The following EPHB2 variants were observed in gnomAD, a reference collection of about 807,000 sequenced individuals.
The protein encoded by EPHB2 is EPH receptor B2.
A neutral mutation model predicts 96.4 loss-of-function variants in EPHB2; 18 were observed. The ratio of observed to expected loss-of-function variants is 0.19; its 90% CI spans 0.13 to 0.28. The LOEUF (loss-of-function observed/expected upper bound fraction) is 0.28. Among genes scored for constraint, EPHB2 ranks in the 10% least tolerant of loss-of-function variants. EPHB2 has a pLI of 1.00. For synonymous variants in EPHB2, 506 were observed against 534.1 expected (o/e 0.95, Z 0.72); for missense variants, 989 against 1,355.4 (o/e 0.73, Z 4.25).
At position 22,907,030 on chromosome 1, in the gene EPHB2, G is replaced by A. The variant is rs541070749; in HGVS notation, c.2136+73G>A. The A allele has an allele frequency of 1.3e-5, 20 of 1,509,016 alleles. No homozygotes were observed. In the South Asian group the frequency reaches 2.4e-4, roughly 18 times the overall value. The allele number at this position is 1,509,016 out of a possible 1,614,324, so 93.5% of individuals were successfully genotyped here. On this transcript the variant is annotated intron_variant, in intron 11 of 15. Coordinates refer to ENST00000374630, the MANE Select transcript of EPHB2 (RefSeq NM_017449.5). ...GGAACGATGGACATAGCTTCATACT[G>A]TCAGAGCCTGAAGGGGTCTTGGAAA...
rs984902727 is a variant in EPHB2, at chr1:22,858,999, G to A, written c.812-4038G>A. Among the ~76,000 whole-genome samples the A allele has an allele frequency of 7.9e-5, 12 of 152,270 alleles. No homozygotes were observed. Among genetic ancestry groups the A allele is most frequent in the South Asian group, 2.1e-4 (1 of 4,828 alleles). On this transcript the variant is annotated intron_variant, in intron 3 of 15. Transcript: ENST00000374630. This position sits in a 1 kb window ranked among gnomAD's most constrained non-coding sequence, Gnocchi z 7.7. ...CTGTATACAAAAAAATTAGCCCGGCGTGGTGGTGCATGCCTGTAATCCCAG... is the reference window on the plus strand; with the variant it reads ...CTGTATACAAAAAAATTAGCCCGGCATGGTGGTGCATGCCTGTAATCCCAG...
intron 9 of EPHB2, among the ~76,000 whole-genome samples, chr1:22,898,717 G>A (rs1050532240): frequency 1.3e-5 from 2 of 152,192 alleles, no homozygotes; most frequent in Non-Finnish European, 2.9e-5. Context: ...AGAATCCAGG[G>A]AAGACATGAT....
intron 1 of EPHB2, among the ~76,000 whole-genome samples, chr1:22,736,643 G>T (rs1643835915): frequency 6.6e-6 from 1 of 152,208 alleles, no homozygotes; most frequent in Non-Finnish European, 1.5e-5. Context: ...GAGGGTGGGG[G>T]CAGCCTCCGC....
At chr1:22,824,503 A>G (rs1413364499) in intron 3 of EPHB2, among the ~76,000 whole-genome samples, 4 of 152,074 alleles carry the variant, frequency 2.6e-5, no homozygotes, top group African/African-American at 4.8e-5. Context: ...GGCGGTGCCA[A>G]TATTCAGAAA....
Position 22,908,281 on chromosome 1 carries a change from T to C in EPHB2, c.2352+113T>C, listed in dbSNP as rs1639981620. 1.5e-6 allele frequency: 2 copies of C among 1,315,926 alleles called. 1 individual carries two copies. Among genetic ancestry groups the C allele is most frequent in the Non-Finnish European group, 2.1e-6 (2 of 934,156 alleles). The allele number at this position is 1,315,926 out of a possible 1,614,324, so 81.5% of individuals were successfully genotyped here. On this transcript the variant is annotated intron_variant, in intron 12 of 15. Coordinates refer to ENST00000374630, the MANE Select transcript of EPHB2 (RefSeq NM_017449.5). ...CGCCCAATTGGGCCAAGCACTGTCC[T>C]GGGCCCTGGAGACAGGAAGACAGGA...
At chr1:22,911,806 C>T (rs1640112873) in intron 14 of EPHB2, among the ~76,000 whole-genome samples, 1 of 152,164 alleles carries the variant, frequency 6.6e-6, no homozygotes, top group African/African-American at 2.4e-5. Flanking sequence ...GGGAGATCAT[C>T]ATGCTTCCCT....
chr1:22,905,067 A>G (rs535887357), intron 9 of EPHB2, among the ~76,000 whole-genome samples: 1 of 152,240 alleles, frequency 6.6e-6, no homozygotes, highest in South Asian at 2.1e-4. Context: ...TTGGAAGACC[A>G]GCTGCCTATC....
chr1:22,828,365 A>G (rs1645254524), intron 3 of EPHB2, among the ~76,000 whole-genome samples: 1 of 152,104 alleles, frequency 6.6e-6, no homozygotes, highest in South Asian at 2.1e-4. Flanking sequence ...CAGTCGAGGC[A>G]TCCGGGCCCC....
At chr1:22,782,088 G>A (rs577947959) in intron 2 of EPHB2, among the ~76,000 whole-genome samples, 66 of 152,178 alleles carry the variant, frequency 4.3e-4, no homozygotes, top group Non-Finnish European at 8.7e-4. Context: ...GCAAAATCTG[G>A]CATAAGTTAC....
rs746716065 is a variant in EPHB2, at chr1:22,908,973, C to T, written c.2353-49C>T. On this transcript the variant is annotated intron_variant, in intron 12 of 15. Coordinates refer to ENST00000374630, the MANE Select transcript of EPHB2 (RefSeq NM_017449.5). ...GGGTGGGAGGATTAAGAGAAGAGGT[C>T]AGACAGGCCAGCCTCCCACCCACAA... 1.6e-5 allele frequency: 26 copies of T among 1,611,830 alleles called. No homozygotes were observed. The African/African-American group carries it at 3.5e-4, about 22-fold the overall frequency.
chr1:22,912,034 G>A (rs377357503), intron 14 of EPHB2, among the ~76,000 whole-genome samples: 1 of 152,204 alleles, frequency 6.6e-6, no homozygotes, highest in Admixed American at 6.5e-5. Flanking sequence ...GGAGAAGGAT[G>A]GAGAATGGCA....
intron 6 of EPHB2, among the ~76,000 whole-genome samples, chr1:22,887,444 C>T (rs546547588): frequency 6.6e-5 from 10 of 152,154 alleles, no homozygotes; most frequent in Non-Finnish European, 1.2e-4. Context: ...GCCTGTGTGG[C>T]CCCCACCTCC....
intron 1 of EPHB2, among the ~76,000 whole-genome samples, chr1:22,736,721 C>T (rs10442641): frequency 0.33 from 50,302 of 152,182 alleles, 9,724 homozygotes; most frequent in South Asian, 0.61. Flanking sequence ...GCCCAGACCC[C>T]GGGCCCAGCC....
chr1:22,819,527 ATAAG>A (rs941515106), intron 3 of EPHB2, among the ~76,000 whole-genome samples: 5 of 152,094 alleles, frequency 3.3e-5, no homozygotes, highest in African/African-American at 1.2e-4. Context: ...CAAGTTATAA[ATAAG>A]TAAAGGGGTG....
intron 3 of EPHB2, among the ~76,000 whole-genome samples, chr1:22,831,034 T>G (rs952663472): frequency 1.3e-5 from 2 of 152,160 alleles, no homozygotes; most frequent in African/African-American, 4.8e-5. Context: ...GGGGTAATGC[T>G]CCACGTTGAC....
At chr1:22,893,306 G>C (rs566038090) in intron 7 of EPHB2, among the ~76,000 whole-genome samples, 2 of 152,302 alleles carry the variant, frequency 1.3e-5, no homozygotes, top group East Asian at 3.9e-4. Flanking sequence ...GAGCCACTCT[G>C]AGCAAGTCAT....
At chr1:22,890,220 G>A (rs958987177) in intron 6 of EPHB2, among the ~76,000 whole-genome samples, 1 of 152,156 alleles carries the variant, frequency 6.6e-6, no homozygotes, top group Non-Finnish European at 1.5e-5. Context: ...AGCCTCAGCT[G>A]GAAGTTGAGG....
chr1:22,872,823 C>T (rs1309355687), intron 5 of EPHB2, among the ~76,000 whole-genome samples: 1 of 152,238 alleles, frequency 6.6e-6, no homozygotes, highest in Non-Finnish European at 1.5e-5. Context: ...TGAACGTGTA[C>T]TCACCTACTT....
At chr1:22,753,177 C>T (rs962959851) in intron 1 of EPHB2, among the ~76,000 whole-genome samples, 5 of 151,808 alleles carry the variant, frequency 3.3e-5, no homozygotes, top group South Asian at 2.1e-4. Context: ...AGAGTGTGAG[C>T]TCCAGAGTTG....
Sources: gnomAD v4.1 joint callset for allele counts (sites outside exome capture counted in the v4.1 genomes callset) on GRCh38, gnomAD v4.1.1 for gene constraint, Gnocchi (gnomAD v3.1) non-coding constraint, MANE v1.5 for transcripts, NCBI Gene and HGNC (gene_info 2026-07-23, HGNC 2026-07-21) for gene names.